The following HAUS5 variants were observed in gnomAD, a reference collection of about 807,000 sequenced individuals.
HAUS5 encodes the protein HAUS augmin like complex subunit 5, also known as HAUS augmin-like complex subunit 5.
A neutral mutation model predicts 94.1 loss-of-function variants in HAUS5; 67 were observed. The ratio of observed to expected loss-of-function variants is 0.71; its 90% CI spans 0.58 to 0.87. The LOEUF (loss-of-function observed/expected upper bound fraction) is 0.87, where lower values mean the gene tolerates loss of function less well. Among genes scored for constraint, HAUS5 ranks in the 40% least tolerant of loss-of-function variants. The probability of loss-of-function intolerance (pLI) is 0.00; values close to 1 mark genes in which losing one functional copy is unlikely to be tolerated. For missense variants in HAUS5, 739 were observed against 825.6 expected (o/e 0.90, Z 1.29); for synonymous variants, 339 against 355.4 (o/e 0.95, Z 0.52).
chr19:35,617,987 T>C (rs1324516407), intron 9 of HAUS5, 75 bp downstream of exon 9: 38 of 1,606,542 alleles, frequency 2.4e-5, no homozygotes, highest in Admixed American at 1.7e-4. Flanking sequence ...AGGACCTAAC[T>C]CTTGATGACA....
In HAUS5 at chr19:35,622,914, T is replaced by C; in HGVS notation, c.1823T>C (p.Leu608Pro). The change falls in exon 19 of 19, where the codon CTC becomes CCC. Residue 608 changes from leucine (L) to proline (P), a missense_variant. Physicochemically the swap from Leu to Pro is moderately conservative, Grantham distance 98. Transcript: ENST00000203166. ...GGCCAGGCCGCCCTCTCTGAGGAGC[T>C]CTGCCAGGGCCTGTCCCTGCCCCAG... Reference protein sequence around the residue: ...QPGQAALSEELCQGLSLPQWR... With the variant: ...QPGQAALSEEPCQGLSLPQWR... 6.2e-7 allele frequency: 1 copy of C among 1,613,984 alleles called. No homozygotes were observed. Among genetic ancestry groups the C allele is most frequent in the Non-Finnish European group, 8.5e-7 (1 of 1,179,992 alleles).
rs768424439 is a variant in HAUS5, at chr19:35,618,929, G to T, written c.1059G>T (p.Thr353=). The T allele has an allele frequency of 6.2e-7, 1 of 1,612,872 alleles. No homozygotes were observed. The highest frequency in any genetic ancestry group is 8.5e-7 in the Non-Finnish European group (1 of 1,179,598). The change falls in exon 13 of 19, where the codon ACG becomes ACT. Residue 353 remains threonine (T), a synonymous_variant. Transcript: ENST00000203166. ...ILGLRRCCLW[T]ELKALHDQSQ... is the part of the protein sequence containing the mutation. The stretch of plus-strand genomic sequence containing the variant: ...GGCTTCGGCGCTGTTGCCTGTGGAC[G>T]GAGCTCAAGGCCCTGCACGATCAGA...
At chr19:35,612,934 T>C in intron 1 of HAUS5, 42 bp downstream of exon 1, 3 of 1,333,334 alleles carry the variant, frequency 2.3e-6, no homozygotes, top group Non-Finnish European at 3.0e-6. Context: ...ACCCTGGAGA[T>C]TGAGTCTCCG....
At position 35,612,905 on chromosome 19, in the gene HAUS5, C is replaced by A; in HGVS notation, c.98+13C>A. The A allele has an allele frequency of 6.6e-7, 1 of 1,504,064 alleles. No individual in the cohort carries two copies. The highest frequency in any genetic ancestry group is 8.9e-7 in the Non-Finnish European group (1 of 1,125,388). 93.2% of individuals were successfully genotyped at this position (1,504,064 alleles called of 1,614,324 possible). On this transcript the variant is annotated intron_variant, in intron 1 of 18. Transcript: ENST00000203166. The stretch of plus-strand genomic sequence containing the variant: ...CGACGCTGCGCAGGTGAGGACCGCT[C>A]CTGGAGTGAGGACACCCCACCCTGG...
chr19:35,618,761 G>A (rs1967151590), intron 12 of HAUS5, 62 bp downstream of exon 12: 1 of 1,534,890 alleles, frequency 6.5e-7, no homozygotes, highest in Non-Finnish European at 8.8e-7. Flanking sequence ...TCAGCCCATT[G>A]GACTTTTTCA....
chr19:35,623,080 C>G lies in HAUS5; in HGVS notation c.*87C>G, dbSNP rs1967241409. ...CAGGACATTTGGAAGAAAGCAGCGC[C>G]AGGATTCCTCGGCAGTCGTCCCCAC... On this transcript the variant is annotated 3_prime_UTR_variant, in exon 19 of 19. Transcript: ENST00000203166. 1.1e-6 allele frequency: 1 copy of G among 940,354 alleles called. No individual in the cohort carries two copies. Among genetic ancestry groups the G allele is most frequent in the South Asian group, 1.5e-5 (1 of 65,298 alleles). 58.3% of individuals were successfully genotyped at this position (940,354 alleles called of 1,614,324 possible).
intron 17 of HAUS5, 82 bp downstream of exon 17, chr19:35,620,409 C>A: frequency 1.5e-6 from 2 of 1,314,176 alleles, no homozygotes; most frequent in Non-Finnish European, 1.1e-6. Context: ...CCAGCAACCC[C>A]GTTGTTTACG....
chr19:35,616,554 G>T (rs1452024517), intron 6 of HAUS5, among the ~76,000 whole-genome samples: 1 of 152,044 alleles, frequency 6.6e-6, no homozygotes, highest in East Asian at 1.9e-4. Flanking sequence ...GTCTGGCTCT[G>T]TTGCCCAGGC....
rs1246112475 is a variant in HAUS5 at position 35,619,595 on chromosome 19, C to T, written c.1261-18C>T. The T allele has an allele frequency of 1.3e-6, 2 of 1,559,110 alleles. No homozygotes were observed. The highest frequency in any genetic ancestry group is 1.8e-5 in the Admixed American group (1 of 55,396). ...TGTGATGTTGTGATGCCCCACCCAC[C>T]CCTCCCCTTCCCCACAGGTGCTAGC... On this transcript the variant is annotated intron_variant, in intron 14 of 18. Coordinates refer to ENST00000203166, the MANE Select transcript of HAUS5 (RefSeq NM_015302.2).
In HAUS5 at chr19:35,617,160, G is replaced by A. The variant is rs368586059; in HGVS notation, c.522G>A (p.Thr174=). Residue 174 remains threonine (T), a synonymous_variant, in exon 7 of 19, where the codon ACG becomes ACA. Transcript: ENST00000203166. The part of the protein sequence containing the change: ...AKVDVTFGSL[T]SAALGLEPVV... ...TAGATGTGACCTTTGGATCCCTCAC[G>A]TCGGCAGCTCTGGGCCTGGAGCCCG... 109 of 1,614,064 alleles carry A rather than the reference G, an allele frequency of 6.8e-5. No homozygotes were observed. The South Asian group carries it at 9.6e-4, about 14-fold the overall frequency.
Position 35,614,027 on chromosome 19 carries a change from T to C in HAUS5, c.195-8T>C. 1 of 1,613,958 alleles carries C rather than the reference T, an allele frequency of 6.2e-7. No individual in the cohort carries two copies. Among genetic ancestry groups the C allele is most frequent in the Non-Finnish European group, 8.5e-7 (1 of 1,179,864 alleles). ...ACTCATCCGCTGACTCTGGCCTCGT[T>C]TTCCTAGGTATGGCCACCAGGACAG... On this transcript the variant is annotated splice_polypyrimidine_tract_variant and splice_region_variant and intron_variant, in intron 3 of 18. Transcript: ENST00000203166.
chr19:35,616,783 G>A (rs963577488), intron 6 of HAUS5, among the ~76,000 whole-genome samples: 7 of 152,168 alleles, frequency 4.6e-5, no homozygotes, highest in African/African-American at 7.2e-5. Flanking sequence ...CTCCCAAAGC[G>A]CTGGGGTACA....
intron 4 of HAUS5, chr19:35,614,302 A>C: frequency 1.7e-6 from 1 of 575,144 alleles, no homozygotes; most frequent in Non-Finnish European, 3.1e-6. Context: ...AGGTGATGAG[A>C]TCACCTGAGG....
chr19:35,622,690 G>A lies in HAUS5; in HGVS notation c.1741G>A (p.Ala581Thr). 9 of 1,614,116 alleles carry A rather than the reference G, an allele frequency of 5.6e-6. No individual in the cohort carries two copies. Among genetic ancestry groups the A allele is most frequent in the Non-Finnish European group, 6.8e-6 (8 of 1,180,012 alleles). ...LKRLEKLLKQ[A>T]LERIPELQGI... The stretch of plus-strand genomic sequence containing the variant: ...GAGGCTGGAGAAGCTACTGAAACAG[G>A]CACTGGAGCGAATCCCTGAGCTGCA... The change falls in exon 18 of 19, where the codon GCA becomes ACA. Residue 581 changes from alanine (A) to threonine (T), a missense_variant. Coordinates refer to ENST00000203166, the MANE Select transcript of HAUS5 (RefSeq NM_015302.2).
intron 4 of HAUS5, 146 bp from the exon 5 acceptor site, chr19:35,614,896 G>T: frequency 1.6e-6 from 1 of 613,010 alleles, no homozygotes; most frequent in Non-Finnish European, 2.9e-6. Context: ...AGGAGGGAGG[G>T]AGCCAATACC....
chr19:35,615,360 A>G lies in HAUS5; in HGVS notation c.459A>G (p.Gln153=), dbSNP rs1185166969. 1 of 1,610,490 alleles carries G rather than the reference A, an allele frequency of 6.2e-7. No individual in the cohort carries two copies. Among genetic ancestry groups the G allele is most frequent in the Non-Finnish European group, 8.5e-7 (1 of 1,178,622 alleles). Residue 153 remains glutamine (Q), a synonymous_variant, in exon 6 of 19, where the codon CAA becomes CAG. Transcript: ENST00000203166. Reference sequence around the variant, plus strand: ...ATCCCATGCAGCGGCTGCAGAATCAACTGAGGCGCCTGCAGGACATGGAGA... The same window carrying G: ...ATCCCATGCAGCGGCTGCAGAATCAGCTGAGGCGCCTGCAGGACATGGAGA... ...LRDPMQRLQN[Q]LRRLQDMERK...
intron 1 of HAUS5, 89 bp downstream of exon 1, chr19:35,612,981 C>A (rs1176020981): frequency 2.2e-6 from 2 of 901,532 alleles, no homozygotes; most frequent in African/African-American, 1.8e-5. Context: ...GGACTCGACT[C>A]CCCCCAATTC....
Position 35,620,232 on chromosome 19 carries a change from G to A in HAUS5, c.1556G>A (p.Arg519His), listed in dbSNP as rs758958201. The change falls in exon 17 of 19, where the codon CGC (arginine) becomes CAC (histidine). Residue 519 changes from arginine (R) to histidine (H), a missense_variant. Arg to His is a conservative substitution (Grantham distance 29, BLOSUM62 0). Transcript: ENST00000203166. ...ELLLPAAASL[R>H]QDLLLLQDQR... ...CTCCTGCCGGCGGCTGCCTCTCTTCGCCAGGACCTTCTGCTCCTGCAGGAC... is the reference window on the plus strand; with the variant it reads ...CTCCTGCCGGCGGCTGCCTCTCTTCACCAGGACCTTCTGCTCCTGCAGGAC... 4.2e-5 allele frequency: 67 copies of A among 1,613,418 alleles called. No individual in the cohort carries two copies. The highest frequency in any genetic ancestry group is 3.7e-4 in the Admixed American group (22 of 59,948).
In HAUS5 at chr19:35,620,235, A is replaced by G; in HGVS notation, c.1559A>G (p.Gln520Arg). ...CTGCCGGCGGCTGCCTCTCTTCGCC[A>G]GGACCTTCTGCTCCTGCAGGACCAG... ...LLLPAAASLR[Q>R]DLLLLQDQRS... The change falls in exon 17 of 19, where the codon CAG (glutamine) becomes CGG (arginine). Residue 520 changes from glutamine (Q) to arginine (R), a missense_variant. Coordinates refer to ENST00000203166, the MANE Select transcript of HAUS5 (RefSeq NM_015302.2). 6.2e-7 allele frequency: 1 copy of G among 1,613,772 alleles called. No individual in the cohort carries two copies. The highest frequency in any genetic ancestry group is 1.1e-5 in the South Asian group (1 of 91,072).
Sources: gnomAD v4.1 joint callset for allele counts (sites outside exome capture counted in the v4.1 genomes callset) on GRCh38, gnomAD v4.1.1 for gene constraint, MANE v1.5 for transcripts, NCBI Gene and HGNC (gene_info 2026-07-23, HGNC 2026-07-21) for gene names.